Variants in GRIP1 observed in about 807,000 individuals in gnomAD.
GRIP1 encodes the protein glutamate receptor interacting protein 1.
In GRIP1, 45 loss-of-function variants were observed where a neutral mutation model predicts 129.9. The ratio of observed to expected loss-of-function variants is 0.35; its 90% CI spans 0.27 to 0.44. The LOEUF (loss-of-function observed/expected upper bound fraction) is 0.44. GRIP1 is among the 20% of genes least tolerant of loss of function. GRIP1 has a pLI of 1.00. For synonymous variants in GRIP1, 530 were observed against 520.8 expected, an observed-to-expected ratio of 1.02 and a Z score of -0.24; for missense variants, 1,196 against 1,396.8, an observed-to-expected ratio of 0.86 and a Z score of 2.29.
chr12:66,678,173 A>G (rs538214852), intron 1 of GRIP1, among the ~76,000 whole-genome samples: 177 of 152,302 alleles, frequency 1.2e-3, no homozygotes, highest in African/African-American at 4.1e-3. Flanking sequence ...ATAAAATAAT[A>G]CCTTAAATAT....
At chr12:66,774,565 A>G (rs952537504) in intron 1 of GRIP1, among the ~76,000 whole-genome samples, 2 of 152,240 alleles carry the variant, frequency 1.3e-5, no homozygotes, top group African/African-American at 4.8e-5. Context: ...GGGGAGGTGT[A>G]GACTTAACTT....
intron 23 of GRIP1, among the ~76,000 whole-genome samples, chr12:66,360,520 G>A (rs954122438): frequency 1.3e-5 from 2 of 152,090 alleles, no homozygotes; most frequent in Non-Finnish European, 2.9e-5. Context: ...TGAGCTTCTC[G>A]GAACATAACA....
intron 1 of GRIP1, among the ~76,000 whole-genome samples, chr12:66,763,348 T>G (rs74673790): frequency 6.6e-6 from 1 of 152,206 alleles, no homozygotes; most frequent in East Asian, 1.9e-4. Context: ...CCGGTTTGAA[T>G]TGATGTTCCA....
chr12:66,771,760 G>C (rs1483396884), intron 1 of GRIP1, among the ~76,000 whole-genome samples: 1 of 152,154 alleles, frequency 6.6e-6, no homozygotes, highest in South Asian at 2.1e-4. Context: ...AGCCTGTAAT[G>C]AATAAGAAAT....
At chr12:66,484,735 G>C (rs1384341875) in intron 7 of GRIP1, among the ~76,000 whole-genome samples, 2 of 152,134 alleles carry the variant, frequency 1.3e-5, no homozygotes, top group East Asian at 1.9e-4. Context: ...CATTTAGATG[G>C]AGGGAATAAG....
chr12:66,353,351 G>C, intron 24 of GRIP1, 66 bp downstream of exon 24: 3 of 1,091,508 alleles, frequency 2.7e-6, no homozygotes, highest in Non-Finnish European at 4.2e-6. Context: ...ATATGCAGGA[G>C]GATGTGGAGG....
At position 66,679,020 on chromosome 12, in the gene GRIP1, G is replaced by A; in HGVS notation, c.-116C>T. On this transcript the variant is annotated 5_prime_UTR_variant, in exon 1 of 25. Transcript: ENST00000359742. The stretch of plus-strand genomic sequence containing the variant: ...TACCAGGAGAAAGGTAGTCCCAGTG[G>A]GGAGTGACAAAGCTTAATTCCTCTT... 1 of 1,573,862 alleles carries A rather than the reference G, an allele frequency of 6.4e-7. No homozygotes were observed. Among genetic ancestry groups the A allele is most frequent in the Non-Finnish European group, 8.6e-7 (1 of 1,158,816 alleles).
intron 15 of GRIP1, among the ~76,000 whole-genome samples, chr12:66,417,698 C>T (rs1162051238): frequency 2.0e-5 from 3 of 151,974 alleles, no homozygotes; most frequent in Non-Finnish European, 4.4e-5. Context: ...ACAAGAGCCA[C>T]AAATAAAATC....
chr12:66,434,994 T>C (rs1265702345), intron 13 of GRIP1, among the ~76,000 whole-genome samples: 2 of 152,190 alleles, frequency 1.3e-5, no homozygotes, highest in African/African-American at 4.8e-5. Context: ...GAGTGCATGT[T>C]TCTTGCTGGC....
At chr12:67,004,897 A>G (rs150621585) in intron 1 of GRIP1, among the ~76,000 whole-genome samples, 2 of 152,292 alleles carry the variant, frequency 1.3e-5, no homozygotes, top group East Asian at 3.9e-4. Flanking sequence ...AAATGTATGC[A>G]TAACAGAAAG....
At chr12:66,839,414 G>A (rs139777412) in intron 1 of GRIP1, among the ~76,000 whole-genome samples, 7 of 152,204 alleles carry the variant, frequency 4.6e-5, no homozygotes, top group African/African-American at 1.7e-4. Flanking sequence ...TTTTCAAAAT[G>A]ATTTAATTCT....
intron 1 of GRIP1, among the ~76,000 whole-genome samples, chr12:66,686,140 T>C (rs2034775946): frequency 6.6e-6 from 1 of 152,214 alleles, no homozygotes; most frequent in Non-Finnish European, 1.5e-5. Flanking sequence ...GTTAACTGTT[T>C]GCAGAGGAGA....
chr12:66,949,298 G>C (rs1409690251), intron 1 of GRIP1, among the ~76,000 whole-genome samples: 2 of 152,134 alleles, frequency 1.3e-5, no homozygotes, highest in South Asian at 2.1e-4. Flanking sequence ...CTGATTCCTA[G>C]AGAAAAAATT....
chr12:66,500,722 T>C (rs1404918400), intron 7 of GRIP1, among the ~76,000 whole-genome samples: 1 of 152,188 alleles, frequency 6.6e-6, no homozygotes, highest in East Asian at 1.9e-4. Context: ...CTACAGTGAT[T>C]TTCAGTGAGG....
intron 2 of GRIP1, among the ~76,000 whole-genome samples, chr12:66,591,403 C>T (rs2063841432): frequency 1.3e-5 from 2 of 152,296 alleles, no homozygotes; most frequent in South Asian, 2.1e-4. Context: ...TCATTGTCCT[C>T]ACTTTGGCCC....
intron 2 of GRIP1, among the ~76,000 whole-genome samples, chr12:66,551,060 A>T (rs1421704874): frequency 6.6e-6 from 1 of 152,216 alleles, no homozygotes; most frequent in Non-Finnish European, 1.5e-5. Flanking sequence ...AACTGAAGCA[A>T]TTGGCATGGC....
At chr12:66,811,419 G>T (rs1448804380) in intron 1 of GRIP1, among the ~76,000 whole-genome samples, 2 of 152,182 alleles carry the variant, frequency 1.3e-5, no homozygotes, top group African/African-American at 2.4e-5. Context: ...GCTACAAGAT[G>T]TTATTTTTAT....
rs769032719 is a variant in GRIP1, at chr12:66,455,559, A to C, written c.1204T>G (p.Leu402Val). 7.4e-6 allele frequency: 12 copies of C among 1,613,924 alleles called. No individual in the cohort carries two copies. Among genetic ancestry groups the C allele is most frequent in the South Asian group, 5.5e-5 (5 of 91,078 alleles). ...KAPPPNSPPA[L>V]VSSSFSPTSM... ...GTAGGAGAGAAGGATGAAGACACCA[A>C]AGCTGCTGCAAGAGAGTGAAGACGT... Residue 402 changes from leucine (L) to valine (V), a missense_variant, in exon 11 of 25, where the codon TTG becomes GTG. This residue lies in a region of GRIP1 where 508 missense variants were observed against 587.0 expected (regional missense o/e 0.87). Transcript: ENST00000359742.
chr12:66,478,691 T>C (rs1592397272), intron 7 of GRIP1, among the ~76,000 whole-genome samples: 1 of 141,432 alleles, frequency 7.1e-6, no homozygotes, highest in African/African-American at 2.5e-5. Flanking sequence ...TGGAATACTA[T>C]GCAGCCATAA....
Sources: allele counts gnomAD v4.1 joint callset (sites outside exome capture counted in the v4.1 genomes callset), GRCh38; gene constraint gnomAD v4.1.1; regional missense constraint gnomAD v4.1.1; transcripts MANE v1.5; gene names NCBI Gene and HGNC (gene_info 2026-07-23, HGNC 2026-07-21).